Variants in ZNF667 observed in about 807,000 individuals in gnomAD.
The protein encoded by ZNF667 is zinc finger protein 667.
In ZNF667, 13 loss-of-function variants were observed where a neutral mutation model predicts 31.8. The observed-to-expected ratio is 0.41, with a 90% CI of 0.27 to 0.65. ZNF667 has a LOEUF of 0.65. ZNF667 is among the 30% of genes least tolerant of loss of function. The pLI is 0.32. For synonymous variants in ZNF667, 228 were observed against 247.1 expected, an observed-to-expected ratio of 0.92 and a Z score of 0.73; for missense variants, 642 against 725.6, an observed-to-expected ratio of 0.88 and a Z score of 1.32.
intron 3 of ZNF667, among the ~76,000 whole-genome samples, chr19:56,471,466 T>C (rs1011786480): frequency 1.3e-5 from 2 of 152,174 alleles, no homozygotes; most frequent in African/African-American, 4.8e-5. Context: ...TGCAGGGCCT[T>C]TGAGAACAAA....
At chr19:56,450,717 G>C (rs925414442) in intron 6 of ZNF667, among the ~76,000 whole-genome samples, 17 of 152,086 alleles carry the variant, frequency 1.1e-4, no homozygotes, top group Non-Finnish European at 2.1e-4. Flanking sequence ...TAAAAGCAGA[G>C]GAGATAAATT....
chr19:56,463,651 C>T (rs904903211), intron 3 of ZNF667, among the ~76,000 whole-genome samples: 3 of 152,046 alleles, frequency 2.0e-5, no homozygotes, highest in Non-Finnish European at 2.9e-5. Context: ...CCTCAGCCTT[C>T]CAAGTAGCTG....
intron 3 of ZNF667, among the ~76,000 whole-genome samples, chr19:56,464,687 CTTTATGTGGGTG>C (rs1024183358): frequency 6.6e-6 from 1 of 152,160 alleles, no homozygotes; most frequent in African/African-American, 2.4e-5. Context: ...AAAACAGCTT[CTTTATGTGGGTG>C]TTTATGTGGG....
At chr19:56,451,161 A>G (rs967587037) in intron 6 of ZNF667, among the ~76,000 whole-genome samples, 1 of 152,212 alleles carries the variant, frequency 6.6e-6, no homozygotes, top group Non-Finnish European at 1.5e-5. Context: ...AATGAAAACC[A>G]AAAAAGAGCA....
Position 56,441,259 on chromosome 19 carries a change from G to A in ZNF667, c.1736C>T (p.Ser579Leu). 1.2e-6 allele frequency: 2 copies of A among 1,613,976 alleles called. No individual in the cohort carries two copies. Among genetic ancestry groups the A allele is most frequent in the African/African-American group, 2.7e-5 (2 of 74,990 alleles). Residue 579 changes from serine (S) to leucine (L), a missense_variant, in exon 7 of 7, where the codon TCA (serine) becomes TTA (leucine). Ser to Leu is a moderately radical substitution (Grantham distance 145). Transcript: ENST00000504904. This position sits in a 1 kb window ranked among gnomAD's most constrained non-coding sequence, Gnocchi z 4.2. ...DLIRHQRSHS[S>L]EKPYECSKCG... The stretch of plus-strand genomic sequence containing the variant: ...TTTACTACATTCATAGGGTTTCTCT[G>A]AAGAATGACTTCTCTGATGTCGAAT...
intron 3 of ZNF667, among the ~76,000 whole-genome samples, chr19:56,465,294 G>C (rs533412464): frequency 1.3e-5 from 2 of 152,358 alleles, no homozygotes; most frequent in African/African-American, 4.8e-5. Context: ...GGTGGAGGTA[G>C]AAGAAGATAA....
In ZNF667 at chr19:56,442,412, T is replaced by C. The variant is rs2042628704; in HGVS notation, c.583A>G (p.Ser195Gly). 1 of 1,614,058 alleles carries C rather than the reference T, an allele frequency of 6.2e-7. No homozygotes were observed. The highest frequency in any genetic ancestry group is 8.5e-7 in the Non-Finnish European group (1 of 1,180,026). ...SSILLHQRIH[S>G]GKKSHECNKC... The stretch of plus-strand genomic sequence containing the variant: ...TTGCATTCATGGCTTTTCTTTCCAC[T>C]GTGAATTCTCTGATGAAGTAGGATG... Residue 195 changes from serine (S) to glycine (G), a missense_variant, in exon 7 of 7, where the codon AGT (serine) becomes GGT (glycine). Coordinates refer to ENST00000504904, the MANE Select transcript of ZNF667 (RefSeq NM_001321356.2).
At chr19:56,463,914 G>C (rs148471053) in intron 3 of ZNF667, among the ~76,000 whole-genome samples, 51 of 152,244 alleles carry the variant, frequency 3.3e-4, no homozygotes, top group African/African-American at 1.2e-3. Flanking sequence ...AAAATTTACT[G>C]TAAATTTAAA....
chr19:56,466,835 C>T (rs1361597494), intron 3 of ZNF667, among the ~76,000 whole-genome samples: 1 of 152,216 alleles, frequency 6.6e-6, no homozygotes, highest in Admixed American at 6.5e-5. Context: ...ATAGCACAAA[C>T]AGCCCTACCT....
chr19:56,448,867 C>T (rs184363032), intron 6 of ZNF667, among the ~76,000 whole-genome samples: 256 of 152,318 alleles, frequency 1.7e-3, no homozygotes, highest in African/African-American at 4.7e-3. Context: ...ATGAGTACTA[C>T]GCTGGCTTCG....
chr19:56,460,151 G>C (rs1015595897), intron 5 of ZNF667, among the ~76,000 whole-genome samples: 1 of 152,086 alleles, frequency 6.6e-6, no homozygotes, highest in Non-Finnish European at 1.5e-5. Context: ...AATAACAAGA[G>C]TGAAAACAAC....
chr19:56,442,573 T>C lies in ZNF667; in HGVS notation c.422A>G (p.Lys141Arg). 6.2e-7 allele frequency: 1 copy of C among 1,614,154 alleles called. No individual in the cohort carries two copies. ...ACAGTCATTACATTTTAAAGGTTTC[T>C]TCCCTGAATGCCCTTTCTTAGGTTT... ...LVKPKKGHSG[K>R]KPLKCNDCGK... The change falls in exon 7 of 7, where the codon AAG (lysine) becomes AGG (arginine). Residue 141 changes from lysine (K) to arginine (R), a missense_variant. Coordinates refer to ENST00000504904, the MANE Select transcript of ZNF667 (RefSeq NM_001321356.2).
Position 56,460,539 on chromosome 19 carries a change from T to TA in ZNF667, c.160+149dup, listed in dbSNP as rs2043023516. 3 of 778,052 alleles carry TA rather than the reference T, an allele frequency of 3.9e-6. No homozygotes were observed. In the South Asian group the frequency reaches 9.6e-5, roughly 25 times the overall value. The allele number at this position is 778,052 out of a possible 1,614,324, so 48.2% of individuals were successfully genotyped here. ...AAAAACCATTTAATTGTGTACTTTT[T>TA]ATGGGTGAATTGTATAGTATGTGAA... On this transcript the variant is annotated intron_variant, in intron 5 of 6. Coordinates refer to ENST00000504904, the MANE Select transcript of ZNF667 (RefSeq NM_001321356.2).
Position 56,442,708 on chromosome 19 carries a change from G to C in ZNF667, c.287C>G (p.Pro96Arg), listed in dbSNP as rs763627552. ...SGSKCETKKL[P>R]PNQCNKSGQS... ...CCCAGATTTGTTGCATTGATTTGGAGGTAACTTCTTGGTCTCACATTTAGA... is the reference window on the plus strand; with the variant it reads ...CCCAGATTTGTTGCATTGATTTGGACGTAACTTCTTGGTCTCACATTTAGA... Residue 96 changes from proline to arginine, a missense_variant, in exon 7 of 7, where the codon CCT (proline) becomes CGT (arginine). Transcript: ENST00000504904. The C allele has an allele frequency of 5.6e-6, 9 of 1,601,472 alleles. No individual in the cohort carries two copies. The highest frequency in any genetic ancestry group is 7.7e-6 in the Non-Finnish European group (9 of 1,175,892).
intron 1 of ZNF667, chr19:56,475,032 G>T (rs1156636296): frequency 6.6e-6 from 1 of 152,146 alleles, no homozygotes; most frequent in Admixed American, 6.5e-5. Flanking sequence ...TGATACCAAA[G>T]GGTCACTGCT....
chr19:56,448,465 A>C (rs1413003520), intron 6 of ZNF667, among the ~76,000 whole-genome samples: 1 of 152,110 alleles, frequency 6.6e-6, no homozygotes, highest in Non-Finnish European at 1.5e-5. Context: ...GAACCAGTGG[A>C]CTTGGGGTAC....
intron 6 of ZNF667, among the ~76,000 whole-genome samples, chr19:56,446,927 G>C (rs923081743): frequency 6.6e-6 from 1 of 151,674 alleles, no homozygotes; most frequent in African/African-American, 2.4e-5. Flanking sequence ...TCCTTCCTGT[G>C]TGGAATACTA....
chr19:56,439,481 A>G lies in ZNF667; in HGVS notation c.*1681T>C, dbSNP rs1157698383. The G allele has an allele frequency of 6.6e-6, 1 of 152,404 alleles. No homozygotes were observed. Among genetic ancestry groups the G allele is most frequent in the Non-Finnish European group, 1.5e-5 (1 of 68,060 alleles). 9.4% of individuals were successfully genotyped at this position (152,404 alleles called of 1,614,324 possible). A position where few individuals can be genotyped will look rare whatever the true frequency, so the allele number is the denominator to read the frequency against. ...ACTCCATATATTAGCTGGGGCTGCC[A>G]TAACAAAACATCATAGACTGGGTGG... On this transcript the variant is annotated 3_prime_UTR_variant, in exon 7 of 7. Coordinates refer to ENST00000504904, the MANE Select transcript of ZNF667 (RefSeq NM_001321356.2).
At chr19:56,452,912 C>CT (rs2042863499) in intron 6 of ZNF667, among the ~76,000 whole-genome samples, 1 of 148,272 alleles carries the variant, frequency 6.7e-6, no homozygotes, top group South Asian at 2.1e-4. Flanking sequence ...GAGCAAGACT[C>CT]TGTCTCAAAA....
Sources: gnomAD v4.1 joint callset for allele counts (sites outside exome capture counted in the v4.1 genomes callset) on GRCh38, gnomAD v4.1.1 for gene constraint, Gnocchi (gnomAD v3.1) non-coding constraint, MANE v1.5 for transcripts, NCBI Gene and HGNC (gene_info 2026-07-23, HGNC 2026-07-21) for gene names.